The following HECW2 variants were observed in gnomAD, a reference collection of about 807,000 sequenced individuals.
HECW2 encodes the protein HECT, C2 and WW domain containing E3 ubiquitin protein ligase 2.
Under a neutral mutation model 175.2 loss-of-function variants are expected in HECW2, and 61 were observed. The ratio of observed to expected loss-of-function variants is 0.35; its 90% CI spans 0.28 to 0.43. The LOEUF (loss-of-function observed/expected upper bound fraction) is 0.43, where lower values mean the gene tolerates loss of function less well. HECW2 is among the 20% of genes least tolerant of loss of function. The pLI is 1.00. For synonymous variants in HECW2, 671 were observed against 731.0 expected, an observed-to-expected ratio of 0.92 and a Z score of 1.32; for missense variants, 1,524 against 2,000.5, an observed-to-expected ratio of 0.76 and a Z score of 4.54.
intron 19 of HECW2, among the ~76,000 whole-genome samples, chr2:196,248,674 GGA>G (rs200807223): frequency 0.015 from 2,195 of 150,772 alleles, 54 homozygotes; most frequent in African/African-American, 0.051. Context: ...AGGAAGAAAA[GGA>G]GAGAGAGAAT....
chr2:196,267,311 T>A (rs1689554972), intron 17 of HECW2, among the ~76,000 whole-genome samples: 1 of 152,216 alleles, frequency 6.6e-6, no homozygotes, highest in African/African-American at 2.4e-5. Flanking sequence ...TATAAAATAC[T>A]GTTAAAGGTT....
At chr2:196,392,644 C>T (rs992721728) in intron 2 of HECW2, among the ~76,000 whole-genome samples, 18 of 152,004 alleles carry the variant, frequency 1.2e-4, no homozygotes, top group African/African-American at 4.1e-4. Flanking sequence ...TACAAAAATG[C>T]CAAATGCCAC....
intron 1 of HECW2, among the ~76,000 whole-genome samples, chr2:196,435,701 G>A (rs1010390217): frequency 6.6e-6 from 1 of 152,074 alleles, no homozygotes; most frequent in Non-Finnish European, 1.5e-5. Flanking sequence ...TCTGGATTTC[G>A]GTTATATCTT....
chr2:196,564,667 A>T (rs1484876691), intron 1 of HECW2, among the ~76,000 whole-genome samples: 1 of 152,026 alleles, frequency 6.6e-6, no homozygotes, highest in Non-Finnish European at 1.5e-5. Flanking sequence ...GAAAGAGGAA[A>T]TATTTTTAAT....
chr2:196,415,598 C>T (rs1425385900), intron 2 of HECW2, among the ~76,000 whole-genome samples: 1 of 18,108 alleles, frequency 5.5e-5, no homozygotes, highest in African/African-American at 1.1e-4. Context: ...GCGCTGAATG[C>T]GGAGCTGAGC....
chr2:196,576,581 T>C (rs1690570764), intron 1 of HECW2, among the ~76,000 whole-genome samples: 1 of 152,200 alleles, frequency 6.6e-6, no homozygotes, highest in South Asian at 2.1e-4. Context: ...GATATATTCG[T>C]CAAACATACA....
At chr2:196,418,975 A>G (rs1349734185) in intron 2 of HECW2, among the ~76,000 whole-genome samples, 1 of 152,242 alleles carries the variant, frequency 6.6e-6, no homozygotes, top group Non-Finnish European at 1.5e-5. Flanking sequence ...ATCATCCTCA[A>G]TAAAAAAGTA....
At chr2:196,512,891 C>T (rs1245611321) in intron 1 of HECW2, among the ~76,000 whole-genome samples, 3 of 151,976 alleles carry the variant, frequency 2.0e-5, no homozygotes, top group African/African-American at 7.3e-5. Context: ...GGGGCCTCAC[C>T]ATGTTGGCCA....
intron 2 of HECW2, among the ~76,000 whole-genome samples, chr2:196,386,440 T>G (rs1343091429): frequency 6.6e-6 from 1 of 152,150 alleles, no homozygotes. Flanking sequence ...TGAGGGAGCT[T>G]GCTAACATGC....
At chr2:196,517,103 G>A (rs572597187) in intron 1 of HECW2, among the ~76,000 whole-genome samples, 3 of 152,286 alleles carry the variant, frequency 2.0e-5, no homozygotes, top group African/African-American at 7.2e-5. Context: ...CAGTGTCCTG[G>A]TGAAACTACA....
chr2:196,550,567 C>T (rs1384898360), intron 1 of HECW2, among the ~76,000 whole-genome samples: 2 of 152,178 alleles, frequency 1.3e-5, no homozygotes, highest in African/African-American at 4.8e-5. Context: ...TTCTAATACT[C>T]AGAGACATTT....
chr2:196,327,166 C>CA, intron 5 of HECW2, among the ~76,000 whole-genome samples: 1 of 152,220 alleles, frequency 6.6e-6, no homozygotes, highest in South Asian at 2.1e-4. Flanking sequence ...AAATCATTCA[C>CA]AAAAAATATT....
intron 13 of HECW2, 46 bp from the exon 14 acceptor site, chr2:196,292,796 C>A: frequency 6.9e-7 from 1 of 1,442,436 alleles, no homozygotes; most frequent in Non-Finnish European, 9.6e-7. Flanking sequence ...TTGTGACATG[C>A]AGAAGCACCA....
chr2:196,529,972 C>G (rs1445919340), intron 1 of HECW2, among the ~76,000 whole-genome samples: 1 of 152,182 alleles, frequency 6.6e-6, no homozygotes, highest in African/African-American at 2.4e-5. Context: ...TTGGCCTACT[C>G]AGTATTCTGT....
chr2:196,519,988 T>C (rs1688296888), intron 1 of HECW2, among the ~76,000 whole-genome samples: 1 of 152,214 alleles, frequency 6.6e-6, no homozygotes, highest in South Asian at 2.1e-4. Context: ...GTGAAATTAA[T>C]AGTGTTTAAG....
At chr2:196,550,551 C>G (rs779069905) in intron 1 of HECW2, among the ~76,000 whole-genome samples, 1 of 152,096 alleles carries the variant, frequency 6.6e-6, no homozygotes, top group Non-Finnish European at 1.5e-5. Flanking sequence ...TGAAAGCCAC[C>G]CTTATTTCTA....
chr2:196,522,953 T>C (rs1441003316), intron 1 of HECW2, among the ~76,000 whole-genome samples: 6 of 152,142 alleles, frequency 3.9e-5, no homozygotes, highest in East Asian at 3.9e-4. Flanking sequence ...ATTGACTTGG[T>C]GATGCGGGCT....
At chr2:196,514,311 G>C (rs1559152260) in intron 1 of HECW2, among the ~76,000 whole-genome samples, 1 of 152,240 alleles carries the variant, frequency 6.6e-6, no homozygotes. Flanking sequence ...TGTATAGTCT[G>C]TAAAGTTCCC....
chr2:196,458,351 A>G (rs1385011950), intron 1 of HECW2, among the ~76,000 whole-genome samples: 1 of 152,046 alleles, frequency 6.6e-6, no homozygotes, highest in Non-Finnish European at 1.5e-5. Flanking sequence ...TCTACACCTG[A>G]AATATCCAGG....
Sources: gnomAD v4.1 joint callset for allele counts (sites outside exome capture counted in the v4.1 genomes callset) on GRCh38, gnomAD v4.1.1 for gene constraint, MANE v1.5 for transcripts, NCBI Gene and HGNC (gene_info 2026-07-23, HGNC 2026-07-21) for gene names.